The following NOL4L variants were observed in gnomAD, a reference collection of about 807,000 sequenced individuals.
NOL4L encodes the protein nucleolar protein 4-like.
Under a neutral mutation model 64.5 loss-of-function variants are expected in NOL4L, and 7 were observed. The ratio of observed to expected loss-of-function variants is 0.11; its 90% confidence interval spans 0.06 to 0.20. NOL4L has a LOEUF of 0.20. NOL4L is among the 10% of genes least tolerant of loss of function. The pLI, the probability that NOL4L is intolerant of heterozygous loss-of-function variation, is 1.00. For synonymous variants in NOL4L, 413 were observed against 401.0 expected (o/e 1.03, Z -0.36); for missense variants, 680 against 967.1 (o/e 0.70, Z 3.94).
At chr20:32,570,950 T>C (rs1197990288) in intron 1 of NOL4L, among the ~76,000 whole-genome samples, 5 of 152,114 alleles carry the variant, frequency 3.3e-5, no homozygotes. Context: ...CTCCCACTTT[T>C]TTGGATGTAG....
intron 4 of NOL4L, among the ~76,000 whole-genome samples, chr20:32,507,211 C>A (rs2017172661): frequency 6.6e-6 from 1 of 152,166 alleles, no homozygotes; most frequent in Non-Finnish European, 1.5e-5. Flanking sequence ...CATTTTATAT[C>A]TTTTTAAGAG....
intron 1 of NOL4L, among the ~76,000 whole-genome samples, chr20:32,574,948 A>C (rs1979998948): frequency 1.3e-5 from 2 of 151,178 alleles, no homozygotes; most frequent in Non-Finnish European, 3.0e-5. Flanking sequence ...GTTGCCTGCG[A>C]CCCTCTAGCC....
intron 10 of NOL4L, among the ~76,000 whole-genome samples, chr20:32,451,328 T>A (rs1243062027): frequency 6.6e-6 from 1 of 152,236 alleles, no homozygotes; most frequent in Non-Finnish European, 1.5e-5. Context: ...ACGGCCCTTC[T>A]GTGCTTAAAA....
intron 5 of NOL4L, among the ~76,000 whole-genome samples, chr20:32,471,818 C>G (rs2015042056): frequency 6.6e-6 from 1 of 152,122 alleles, no homozygotes; most frequent in Non-Finnish European, 1.5e-5. Flanking sequence ...CCTCCTCCCT[C>G]TCTCTTGCTC....
At chr20:32,544,524 G>C (rs2018706239) in intron 1 of NOL4L, among the ~76,000 whole-genome samples, 1 of 152,104 alleles carries the variant, frequency 6.6e-6, no homozygotes. Context: ...GGCAGGAAAA[G>C]ACCATGCTGA....
intron 1 of NOL4L, among the ~76,000 whole-genome samples, chr20:32,541,012 C>T (rs1312153116): frequency 7.7e-5 from 10 of 129,430 alleles, no homozygotes; most frequent in African/African-American, 1.9e-4. Flanking sequence ...ACCCCCTACA[C>T]ACACACACAC....
intron 4 of NOL4L, among the ~76,000 whole-genome samples, chr20:32,488,283 T>C (rs1292645480): frequency 6.6e-6 from 1 of 152,192 alleles, no homozygotes; most frequent in Non-Finnish European, 1.5e-5. Flanking sequence ...GTCTCCAAGA[T>C]GGCCCATGAT....
At position 32,447,554 on chromosome 20, in the gene NOL4L, A is replaced by G. The variant is rs1454342733; in HGVS notation, c.*42T>C. 6 of 1,544,978 alleles carry G rather than the reference A, an allele frequency of 3.9e-6. No homozygotes were observed. The highest frequency in any genetic ancestry group is 1.9e-5 in the Admixed American group (1 of 53,016). ...CAGGAAGCCAGGTCCAGGCTGGGAC[A>G]GCCTCCTTCCCTAGGGCAGTGCGCT... is the stretch of plus-strand genomic sequence containing the variant. On this transcript the variant is annotated 3_prime_UTR_variant, in exon 11 of 11. Transcript: ENST00000621426.
intron 1 of NOL4L, among the ~76,000 whole-genome samples, chr20:32,539,790 G>A (rs1468626139): frequency 1.3e-5 from 2 of 152,194 alleles, no homozygotes; most frequent in African/African-American, 4.8e-5. Context: ...TCTGGGGCCT[G>A]AGGCTCATCT....
chr20:32,507,533 AT>A (rs771092875), intron 4 of NOL4L, among the ~76,000 whole-genome samples: 6 of 152,224 alleles, frequency 3.9e-5, no homozygotes, highest in Non-Finnish European at 8.8e-5. Context: ...TACAAGTAAC[AT>A]GATTCTGTCC....
rs2004093690 is a variant in NOL4L, at chr20:32,472,190, C to T, written c.841+2411G>A. 2.0e-5 allele frequency among the ~76,000 whole-genome samples: 3 copies of T among 152,348 alleles called. No individual in the cohort carries two copies. The South Asian group carries it at 6.2e-4, about 32-fold the overall frequency. ...TCTGCAATGGTGTGCTTGGGTAGGT[C>T]TCAGTAAATGTTTGTTCGTTTGTTC... is the stretch of plus-strand genomic sequence containing the variant. On this transcript the variant is annotated intron_variant, in intron 5 of 10. Coordinates refer to ENST00000621426, the MANE Select transcript of NOL4L (RefSeq NM_001256798.2).
intron 5 of NOL4L, among the ~76,000 whole-genome samples, chr20:32,459,370 C>T (rs550573886): frequency 3.4e-5 from 5 of 148,040 alleles, no homozygotes; most frequent in South Asian, 4.3e-4. Flanking sequence ...CACACCACGA[C>T]GCTTGGCTAA....
In NOL4L at chr20:32,528,536, G is replaced by T. The variant is rs141860075; in HGVS notation, c.322-623C>A. Among the ~76,000 whole-genome samples, 1,138 of 152,370 alleles carry T rather than the reference G, an allele frequency of 7.5e-3. 15 individuals carry two copies. Among genetic ancestry groups the T allele is most frequent in the African/African-American group, 0.026 (1,081 of 41,582 alleles). On this transcript the variant is annotated intron_variant, in intron 1 of 10. Coordinates refer to ENST00000621426, the MANE Select transcript of NOL4L (RefSeq NM_001256798.2). ...GAGGAGGTGGCAGGGCCGTGTGAACGGGGCGGCCGTGGGCCCCGAGCCTCT... is the reference window on the plus strand; with the variant it reads ...GAGGAGGTGGCAGGGCCGTGTGAACTGGGCGGCCGTGGGCCCCGAGCCTCT...
chr20:32,468,629 G>A (rs58088631), intron 5 of NOL4L, among the ~76,000 whole-genome samples: 7,348 of 152,222 alleles, frequency 0.048, 589 homozygotes, highest in African/African-American at 0.17. Context: ...GGCCAAGCAC[G>A]GTGGCTCACG....
intron 1 of NOL4L, among the ~76,000 whole-genome samples, chr20:32,529,892 C>T (rs1469104809): frequency 6.6e-6 from 1 of 152,246 alleles, no homozygotes; most frequent in Non-Finnish European, 1.5e-5. Flanking sequence ...CCTCCCCGAG[C>T]TTCATTTATG....
intron 4 of NOL4L, 72 bp from the exon 5 acceptor site, chr20:32,474,814 G>A: frequency 2.7e-6 from 4 of 1,496,900 alleles, no homozygotes; most frequent in South Asian, 2.6e-5. Context: ...CCTTGTGGGT[G>A]GACCCCAGGG....
chr20:32,455,827 G>C (rs1452112772), intron 6 of NOL4L, among the ~76,000 whole-genome samples: 1 of 152,232 alleles, frequency 6.6e-6, no homozygotes, highest in Non-Finnish European at 1.5e-5. Flanking sequence ...TCTGGGGGAG[G>C]GGGATGGGTT....
At chr20:32,455,598 G>A (rs946631411) in intron 6 of NOL4L, among the ~76,000 whole-genome samples, 6 of 152,182 alleles carry the variant, frequency 3.9e-5, no homozygotes, top group African/African-American at 9.7e-5. Context: ...GGAAGCAGGG[G>A]GGATGCCCAC....
intron 4 of NOL4L, among the ~76,000 whole-genome samples, chr20:32,500,123 A>G (rs1285871311): frequency 1.3e-5 from 2 of 152,212 alleles, no homozygotes; most frequent in Admixed American, 6.5e-5. Flanking sequence ...TGAAAATAAA[A>G]ACATGTATGC....
Sources: allele counts gnomAD v4.1 joint callset (sites outside exome capture counted in the v4.1 genomes callset), GRCh38; gene constraint gnomAD v4.1.1; transcripts MANE v1.5; gene names NCBI Gene and HGNC (gene_info 2026-07-23, HGNC 2026-07-21).